BMPR1A: variants seen among roughly 807,000 people sequenced by gnomAD.
BMPR1A encodes the protein bone morphogenetic protein receptor type 1A.
BMPR1A carries 7 observed loss-of-function variants against 66.0 expected under a neutral mutation model. That is an observed-to-expected ratio of 0.11 (90% confidence interval 0.06 to 0.20). The LOEUF is 0.20. Among genes scored for constraint, BMPR1A ranks in the 10% least tolerant of loss-of-function variants. The pLI is 1.00. For missense variants in BMPR1A, 408 were observed against 669.1 expected, an observed-to-expected ratio of 0.61 and a Z score of 4.31; for synonymous variants, 200 against 229.7, an observed-to-expected ratio of 0.87 and a Z score of 1.17.
chr10:86,902,414 T>C (rs1256830623), intron 7 of BMPR1A, among the ~76,000 whole-genome samples: 1 of 152,148 alleles, frequency 6.6e-6, no homozygotes, highest in Middle Eastern at 3.2e-3. Flanking sequence ...ACCTACACTT[T>C]TCACTGTGGT....
chr10:86,811,859 C>T lies in BMPR1A; in HGVS notation c.-267-27006C>T, dbSNP rs116255856. ...TTAATAAAAGCAGGGACAGGAGGAT[C>T]GCTTGAGCCCAGGAATTGAAGACCA... is the stretch of plus-strand genomic sequence containing the variant. On this transcript the variant is annotated intron_variant, in intron 1 of 12. Transcript: ENST00000372037. 7.5e-3 allele frequency among the ~76,000 whole-genome samples: 1,140 copies of T among 152,114 alleles called. 11 individuals are homozygous for T. Among genetic ancestry groups the T allele is most frequent in the African/African-American group, 0.024 (1,016 of 41,500 alleles).
At chr10:86,780,190 A>G (rs977200649) in intron 1 of BMPR1A, among the ~76,000 whole-genome samples, 3 of 152,070 alleles carry the variant, frequency 2.0e-5, no homozygotes, top group Admixed American at 6.5e-5. Context: ...AGTTACTTGT[A>G]TATTCTGTAT....
At chr10:86,920,924 C>G (rs1264147564) in intron 10 of BMPR1A, among the ~76,000 whole-genome samples, 1 of 141,616 alleles carries the variant, frequency 7.1e-6, no homozygotes, top group Admixed American at 7.4e-5. Context: ...GGCATGGTCT[C>G]GGCTCACTGC....
At chr10:86,888,412 G>A (rs1460995908) in intron 3 of BMPR1A, among the ~76,000 whole-genome samples, 1 of 152,158 alleles carries the variant, frequency 6.6e-6, no homozygotes, top group Non-Finnish European at 1.5e-5. Context: ...AGGTTGCAGT[G>A]AGTCGAGATT....
chr10:86,811,455 C>T (rs1158959944), intron 1 of BMPR1A, among the ~76,000 whole-genome samples: 4 of 152,054 alleles, frequency 2.6e-5, no homozygotes, highest in African/African-American at 9.7e-5. Context: ...ATGGATTCTC[C>T]CCTTCCTGCC....
At chr10:86,786,622 C>T (rs1161626257) in intron 1 of BMPR1A, among the ~76,000 whole-genome samples, 1 of 152,220 alleles carries the variant, frequency 6.6e-6, no homozygotes, top group Non-Finnish European at 1.5e-5. Flanking sequence ...TCTGTTTTAA[C>T]TATGCTCATT....
At chr10:86,898,248 C>CAT (rs55896742) in intron 5 of BMPR1A, among the ~76,000 whole-genome samples, 370 of 150,908 alleles carry the variant, frequency 2.5e-3, no homozygotes, top group African/African-American at 7.8e-3. Context: ...GTATATAACA[C>CAT]ATATATATAT....
intron 5 of BMPR1A, among the ~76,000 whole-genome samples, chr10:86,897,403 C>T (rs568759787): frequency 7.1e-4 from 108 of 152,202 alleles, no homozygotes; most frequent in South Asian, 6.6e-3. Flanking sequence ...GTAAGACAGA[C>T]GTGAGATGAG....
rs1843762523 is a variant in BMPR1A at position 86,927,667 on chromosome 10, C to G, written c.*3948C>G. The G allele has an allele frequency of 1.0e-5, 2 of 198,270 alleles. No individual in the cohort carries two copies. Among genetic ancestry groups the G allele is most frequent in the African/African-American group, 4.6e-5 (2 of 43,336 alleles). 12.3% of individuals were successfully genotyped at this position (198,270 alleles called of 1,614,324 possible). A position where few individuals can be genotyped will look rare whatever the true frequency, so the allele number is the denominator to read the frequency against. On this transcript the variant is annotated 3_prime_UTR_variant, in exon 13 of 13. Coordinates refer to ENST00000372037, the MANE Select transcript of BMPR1A (RefSeq NM_004329.3). ...GAATTATTTAAGCCCTTTTAGTGAC[C>G]TTTGTCCTGGCCCATTTAAAAACTA...
intron 3 of BMPR1A, among the ~76,000 whole-genome samples, chr10:86,884,260 A>AT (rs1162988585): frequency 6.6e-6 from 1 of 151,132 alleles, no homozygotes; most frequent in Non-Finnish European, 1.5e-5. Context: ...AATTTTTTAA[A>AT]TTTTTTGTAG....
intron 1 of BMPR1A, among the ~76,000 whole-genome samples, chr10:86,806,646 G>T (rs1276548871): frequency 1.3e-5 from 2 of 152,004 alleles, no homozygotes; most frequent in Admixed American, 1.3e-4. Context: ...TCACCTCCCA[G>T]ACTCAGTTGA....
At chr10:86,841,499 T>G (rs1207853109) in intron 2 of BMPR1A, among the ~76,000 whole-genome samples, 2 of 152,206 alleles carry the variant, frequency 1.3e-5, no homozygotes, top group African/African-American at 4.8e-5. Flanking sequence ...CAGGCAGGCT[T>G]CACAGAAGAG....
intron 8 of BMPR1A, among the ~76,000 whole-genome samples, chr10:86,913,681 A>T (rs907422303): frequency 6.6e-6 from 1 of 152,200 alleles, no homozygotes; most frequent in Non-Finnish European, 1.5e-5. Context: ...TTAAAATAGC[A>T]TCAAAAACCA....
intron 2 of BMPR1A, among the ~76,000 whole-genome samples, chr10:86,848,566 G>A (rs1842518920): frequency 6.6e-6 from 1 of 151,720 alleles, no homozygotes; most frequent in South Asian, 2.1e-4. Flanking sequence ...CCACTTTTTT[G>A]TTATATATTT....
At chr10:86,897,931 A>G (rs897346633) in intron 5 of BMPR1A, among the ~76,000 whole-genome samples, 7 of 152,122 alleles carry the variant, frequency 4.6e-5, no homozygotes, top group Non-Finnish European at 1.0e-4. Context: ...TGTATTTTTT[A>G]GCACACTAAA....
intron 2 of BMPR1A, among the ~76,000 whole-genome samples, chr10:86,863,070 C>T (rs1246908665): frequency 6.6e-6 from 1 of 151,770 alleles, no homozygotes; most frequent in Non-Finnish European, 1.5e-5. Context: ...ACCTCTACCT[C>T]CCAGGTTCAA....
chr10:86,807,693 T>A (rs899905613), intron 1 of BMPR1A, among the ~76,000 whole-genome samples: 1 of 152,248 alleles, frequency 6.6e-6, no homozygotes, highest in East Asian at 1.9e-4. Context: ...CCCATCTTTC[T>A]TATGTATTCC....
chr10:86,887,149 T>C (rs1843077528), intron 3 of BMPR1A, among the ~76,000 whole-genome samples: 1 of 152,108 alleles, frequency 6.6e-6, no homozygotes. Context: ...TTTTGTCACT[T>C]TTCACATTGT....
chr10:86,913,289 A>ATTTTTT (rs36002213), intron 8 of BMPR1A, among the ~76,000 whole-genome samples: 5 of 119,054 alleles, frequency 4.2e-5, no homozygotes, highest in South Asian at 2.7e-4. Context: ...CACCAGGCTA[A>ATTTTTT]TTTTTTTTTT....
Sources: gnomAD v4.1 joint callset for allele counts (sites outside exome capture counted in the v4.1 genomes callset) on GRCh38, gnomAD v4.1.1 for gene constraint, MANE v1.5 for transcripts, NCBI Gene and HGNC (gene_info 2026-07-23, HGNC 2026-07-21) for gene names.